SPMAP1: variants seen among roughly 807,000 people sequenced by gnomAD.
The protein encoded by SPMAP1 is uncharacterized protein C17orf98.
the SPMAP1 span, among the ~76,000 whole-genome samples, chr17:38,836,135 C>T: frequency 2.6e-5 from 4 of 151,886 alleles, no homozygotes; most frequent in Non-Finnish European, 4.4e-5. Context: ...AGGCTGGTCT[C>T]GAACTCCTGA....
At chr17:38,836,712 T>C in the SPMAP1 span, among the ~76,000 whole-genome samples, 1 of 147,456 alleles carries the variant, frequency 6.8e-6, no homozygotes, top group Non-Finnish European at 1.5e-5. Context: ...TGCCTCAGCC[T>C]CCCAAGTAGC....
At chr17:38,839,467 CAAAAAAAAAA>C in the SPMAP1 span, among the ~76,000 whole-genome samples, 1 of 124,904 alleles carries the variant, frequency 8.0e-6, no homozygotes, top group Admixed American at 8.7e-5. Flanking sequence ...GACCCTGTCT[CAAAAAAAAAA>C]AAAAAGAAAA....
At chr17:38,840,988 A>G in the SPMAP1 span, among the ~76,000 whole-genome samples, 2 of 152,142 alleles carry the variant, frequency 1.3e-5, no homozygotes, top group South Asian at 4.1e-4. Context: ...CAGTGAGCCA[A>G]GATGGTGCCA....
At chr17:38,837,278 C>G in the SPMAP1 span, 1 of 1,399,132 alleles carries the variant, frequency 7.1e-7, no homozygotes, top group Non-Finnish European at 1.0e-6. Flanking sequence ...AGAACACTGT[C>G]AGCCACAATG....
At chr17:38,838,276 C>A in the SPMAP1 span, among the ~76,000 whole-genome samples, 1 of 152,076 alleles carries the variant, frequency 6.6e-6, no homozygotes, top group Admixed American at 6.6e-5. Context: ...ATAATACCTA[C>A]CACAAATGGT....
At chr17:38,836,761 T>C in the SPMAP1 span, among the ~76,000 whole-genome samples, 1 of 151,618 alleles carries the variant, frequency 6.6e-6, no homozygotes, top group African/African-American at 2.4e-5. Context: ...TGGCTAATTG[T>C]TTTTTTGTAT....
At chr17:38,840,471 G>A in the SPMAP1 span, among the ~76,000 whole-genome samples, 175 of 152,136 alleles carry the variant, frequency 1.2e-3, 2 homozygotes, top group African/African-American at 3.6e-3. Context: ...CATTCTGTGA[G>A]CTCAGGGAGC....
At chr17:38,835,668 T>G in the SPMAP1 span, among the ~76,000 whole-genome samples, 2 of 152,038 alleles carry the variant, frequency 1.3e-5, no homozygotes, top group Non-Finnish European at 2.9e-5. Context: ...ATGAGAAAAA[T>G]CTCACCCTTG....
the SPMAP1 span, among the ~76,000 whole-genome samples, chr17:38,840,232 G>A: frequency 1.3e-5 from 2 of 152,154 alleles, no homozygotes; most frequent in African/African-American, 4.8e-5. Context: ...CAGGAGGAAG[G>A]CGTCTCGCCC....
the SPMAP1 span, among the ~76,000 whole-genome samples, chr17:38,838,613 A>G: frequency 3.0e-4 from 45 of 151,742 alleles, no homozygotes; most frequent in Non-Finnish European, 5.2e-4. Flanking sequence ...AATAAAATAA[A>G]ATAAAATAAA....
At chr17:38,840,699 G>C in the SPMAP1 span, among the ~76,000 whole-genome samples, 4 of 148,834 alleles carry the variant, frequency 2.7e-5, no homozygotes, top group African/African-American at 1.0e-4. Flanking sequence ...CCGGCTAATC[G>C]CGAGGCTGAG....
the SPMAP1 span, chr17:38,841,230 A>G: frequency 6.2e-7 from 1 of 1,614,168 alleles, no homozygotes; most frequent in Non-Finnish European, 8.5e-7. Context: ...CTCTGGAAGT[A>G]GCTGCGGGCG....
At chr17:38,837,315 C>T in the SPMAP1 span, 1 of 945,704 alleles carries the variant, frequency 1.1e-6, no homozygotes, top group Non-Finnish European at 1.7e-6. Flanking sequence ...GCAAACTGCC[C>T]TGGGGTTTGC....
chr17:38,836,683 C>T, the SPMAP1 span, among the ~76,000 whole-genome samples: 3 of 147,206 alleles, frequency 2.0e-5, no homozygotes, highest in East Asian at 2.0e-4. Context: ...CTCCGCCTCC[C>T]GGGTTCAAGC....
chr17:38,837,786 G>T, the SPMAP1 span, among the ~76,000 whole-genome samples: 1 of 152,156 alleles, frequency 6.6e-6, no homozygotes, highest in Non-Finnish European at 1.5e-5. Flanking sequence ...TGCCAGACAG[G>T]CTGGGTTCTA....
chr17:38,835,440 G>T, the SPMAP1 span: 6 of 1,318,514 alleles, frequency 4.6e-6, no homozygotes, highest in Non-Finnish European at 6.4e-6. Flanking sequence ...CCAACCAGGC[G>T]TAGTCACTTG....
the SPMAP1 span, among the ~76,000 whole-genome samples, chr17:38,840,894 T>C: frequency 1.3e-5 from 2 of 151,486 alleles, no homozygotes; most frequent in African/African-American, 4.9e-5. Flanking sequence ...TAACCCCAGC[T>C]ACTCGGGAGG....
the SPMAP1 span, among the ~76,000 whole-genome samples, chr17:38,839,276 G>T: frequency 1.3e-5 from 2 of 151,530 alleles, no homozygotes; most frequent in African/African-American, 4.8e-5. Flanking sequence ...TTGGGAGGCC[G>T]AGATGGGCAG....
chr17:38,838,610 T>G, the SPMAP1 span, among the ~76,000 whole-genome samples: 23 of 149,484 alleles, frequency 1.5e-4, no homozygotes, highest in African/African-American at 5.2e-4. Flanking sequence ...AAAAATAAAA[T>G]AAAATAAAAT....
Sources: allele counts gnomAD v4.1 joint callset (sites outside exome capture counted in the v4.1 genomes callset), GRCh38; gene constraint gnomAD v4.1.1; transcripts MANE v1.5; gene names NCBI Gene and HGNC (gene_info 2026-07-23, HGNC 2026-07-21).